Variants in PTPRS observed in about 807,000 individuals in gnomAD.
PTPRS encodes receptor-type tyrosine-protein phosphatase S.
In PTPRS, 63 loss-of-function variants were observed where a neutral mutation model predicts 215.3. That is an observed-to-expected ratio of 0.29 (90% CI 0.24 to 0.36). PTPRS has a LOEUF of 0.36. Among genes scored for constraint, PTPRS ranks in the 10% least tolerant of loss-of-function variants. PTPRS has a pLI of 1.00. For synonymous variants in PTPRS, 1,404 were observed against 1,191.4 expected (o/e 1.18, Z -3.68); for missense variants, 2,258 against 2,825.8 (o/e 0.80, Z 4.56).
At chr19:5,332,838 C>A (rs1217071489) in intron 1 of PTPRS, among the ~76,000 whole-genome samples, 6 of 152,270 alleles carry the variant, frequency 3.9e-5, no homozygotes, top group Non-Finnish European at 7.3e-5. Flanking sequence ...TTTCAGAGAA[C>A]TCTGACCGCA....
Position 5,208,028 on chromosome 19 carries a change from A to G in PTPRS, c.5672T>C (p.Ile1891Thr), listed in dbSNP as rs1235729013. ...SAGVGRTGVF[I>T]TLSIVLERMR... ...CCGCTCCAGCACGATGCTAAGCGTG[A>G]TGAAGACGCCCGTCCTGCCCACGCC... The change falls in exon 37 of 38, where the codon ATC (isoleucine) becomes ACC (threonine). Residue 1891 changes from isoleucine (I) to threonine (T), a missense_variant. By Grantham distance (89) the Ile-to-Thr change is moderately conservative (BLOSUM62 -1). This residue lies in a region of PTPRS where 89 missense variants were observed against 104.0 expected (regional missense o/e 0.86). Transcript: ENST00000262963. 6.2e-7 allele frequency: 1 copy of G among 1,613,808 alleles called. No individual in the cohort carries two copies. The highest frequency in any genetic ancestry group is 1.7e-5 in the Admixed American group (1 of 60,028).
At position 5,245,954 on chromosome 19, in the gene PTPRS, G is replaced by A; in HGVS notation, c.810C>T (p.Gly270=). The A allele has an allele frequency of 1.2e-6, 2 of 1,611,294 alleles. No homozygotes were observed. The highest frequency in any genetic ancestry group is 1.7e-6 in the Non-Finnish European group (2 of 1,178,808). Residue 270 remains glycine, a synonymous_variant, in exon 10 of 38, where the codon GGC becomes GGT. Transcript: ENST00000262963. ...GNVNITCVAV[G]SPMPYVKWMQ... is the part of the protein sequence containing the mutation. ...TCCACTTCACGTATGGCATGGGCGA[G>A]CCCACGGCCACGCAGGTGATGTTCA...
Position 5,244,791 on chromosome 19 carries a change from TC to T in PTPRS, c.989-310del, listed in dbSNP as rs2044325390. 6.6e-6 allele frequency among the ~76,000 whole-genome samples: 1 copy of T among 151,522 alleles called. No individual in the cohort carries two copies. The highest frequency in any genetic ancestry group is 6.6e-5 in the Admixed American group (1 of 15,246). On this transcript the variant is annotated intron_variant, in intron 10 of 37. Coordinates refer to ENST00000262963, the MANE Select transcript of PTPRS (RefSeq NM_002850.4). This position sits in a 1 kb window ranked among gnomAD's most constrained non-coding sequence, Gnocchi z 7.2. ...TTCACACAATTCTCCTGCCTCAGCC[TC>T]CCGAGTAGCTGGGACGACAGGCGCC...
intron 1 of PTPRS, among the ~76,000 whole-genome samples, chr19:5,309,264 G>A (rs1210151027): frequency 6.6e-6 from 1 of 152,164 alleles, no homozygotes; most frequent in African/African-American, 2.4e-5. Flanking sequence ...ACCTCTCTGG[G>A]CTTCAGCCCC....
At chr19:5,297,791 C>CTTTTTT (rs373472522) in intron 1 of PTPRS, among the ~76,000 whole-genome samples, 27 of 131,362 alleles carry the variant, frequency 2.1e-4, no homozygotes, top group Admixed American at 4.1e-4. Flanking sequence ...CTTTTCTTTT[C>CTTTTTT]TTTTTTTTTT....
intron 2 of PTPRS, among the ~76,000 whole-genome samples, chr19:5,284,496 T>C (rs1466043661): frequency 6.6e-6 from 1 of 152,086 alleles, no homozygotes; most frequent in Non-Finnish European, 1.5e-5. Flanking sequence ...CAGCCCATCT[T>C]TCTTTTTTTT....
At chr19:5,282,797 C>CAAA (rs553419452) in intron 2 of PTPRS, among the ~76,000 whole-genome samples, 21 of 114,142 alleles carry the variant, frequency 1.8e-4, no homozygotes, top group South Asian at 2.8e-4. Context: ...GACTTCATCT[C>CAAA]AAAAAAAAAA....
chr19:5,333,206 C>T (rs2147292387), intron 1 of PTPRS, among the ~76,000 whole-genome samples: 1 of 151,016 alleles, frequency 6.6e-6, no homozygotes, highest in African/African-American at 2.4e-5. Context: ...TGTGGTGGCT[C>T]ACACCTGGAA....
intron 4 of PTPRS, among the ~76,000 whole-genome samples, chr19:5,265,619 G>A (rs974656182): frequency 6.6e-6 from 1 of 151,996 alleles, no homozygotes; most frequent in Non-Finnish European, 1.5e-5. Flanking sequence ...TGGGATTGCA[G>A]GCATGAGCCA....
At chr19:5,291,198 G>T (rs1352158773) in intron 1 of PTPRS, among the ~76,000 whole-genome samples, 1 of 152,180 alleles carries the variant, frequency 6.6e-6, no homozygotes, top group African/African-American at 2.4e-5. Context: ...GGGGCAGACA[G>T]GGAACCAGGC....
chr19:5,227,139 T>C lies in PTPRS; in HGVS notation c.2377-1295A>G, dbSNP rs562782642. On this transcript the variant is annotated intron_variant, in intron 16 of 37. Coordinates refer to ENST00000262963, the MANE Select transcript of PTPRS (RefSeq NM_002850.4). ...ATAGCTCACTGCAGCCTTGACCTCC[T>C]GAGCTCAAGTGATCCTCCCGCCTTA... Among the ~76,000 whole-genome samples the C allele has an allele frequency of 5.3e-5, 8 of 151,886 alleles. 1 individual carries two copies. In the South Asian group the frequency reaches 1.7e-3, roughly 32 times the overall value.
chr19:5,326,362 T>G (rs2050166486), intron 1 of PTPRS, among the ~76,000 whole-genome samples: 1 of 152,246 alleles, frequency 6.6e-6, no homozygotes, highest in Admixed American at 6.5e-5. Flanking sequence ...GCTTTCAGCC[T>G]GGAACAGACA....
chr19:5,275,057 A>T (rs968448485), intron 2 of PTPRS, among the ~76,000 whole-genome samples: 8 of 134,246 alleles, frequency 6.0e-5, no homozygotes, highest in African/African-American at 8.7e-5. Context: ...TGCCATCCTG[A>T]TCGTCATTTT....
At chr19:5,207,871 G>A in intron 37 of PTPRS, 51 bp downstream of exon 37, 3 of 1,598,398 alleles carry the variant, frequency 1.9e-6, no homozygotes, top group East Asian at 2.2e-5. Context: ...GGAGCTTAGG[G>A]GCAGTCGGGG....
At chr19:5,228,245 T>C (rs1295722554) in intron 16 of PTPRS, among the ~76,000 whole-genome samples, 1 of 145,672 alleles carries the variant, frequency 6.9e-6, no homozygotes, top group Non-Finnish European at 1.5e-5. Context: ...CTCGGGAGGC[T>C]GAGACAGGAG....
chr19:5,229,304 G>T lies in PTPRS; in HGVS notation c.2376+12C>A. 1 of 1,379,596 alleles carries T rather than the reference G, an allele frequency of 7.2e-7. No homozygotes were observed. The highest frequency in any genetic ancestry group is 9.4e-7 in the Non-Finnish European group (1 of 1,061,906). 85.5% of individuals were successfully genotyped at this position (1,379,596 alleles called of 1,614,324 possible). A position where few individuals can be genotyped will look rare whatever the true frequency, so the allele number is the denominator to read the frequency against. On this transcript the variant is annotated intron_variant, in intron 16 of 37. Coordinates refer to ENST00000262963, the MANE Select transcript of PTPRS (RefSeq NM_002850.4). Reference sequence around the variant, plus strand: ...GCACAGCAGTAGGTGGGTGGCCAGGGGCGCTACTTACATATTCGGCCGTGT... The same window carrying T: ...GCACAGCAGTAGGTGGGTGGCCAGGTGCGCTACTTACATATTCGGCCGTGT...
At position 5,223,134 on chromosome 19, in the gene PTPRS, G is replaced by A. The variant is rs368483020; in HGVS notation, c.2658C>T (p.Ser886=). ...TPLATLEFPP[S]EDRYTASGVH... is the part of the protein sequence containing the mutation. ...CGCCTGATGCCGTGTAGCGGTCCTC[G>A]GAGGGCGGGAACTCCAGGGTGGCCA... The change falls in exon 18 of 38, where the codon TCC becomes TCT. Residue 886 remains serine, a synonymous_variant. Transcript: ENST00000262963. 2.3e-4 allele frequency: 359 copies of A among 1,570,208 alleles called. No homozygotes were observed. Among genetic ancestry groups the A allele is most frequent in the Non-Finnish European group, 2.9e-4 (336 of 1,158,060 alleles).
rs751492887 is a variant in PTPRS at position 5,210,699 on chromosome 19, T to C, written c.5341A>G (p.Lys1781Glu). ...CTCACCCGGCCCATCTCCCGCAGCT[T>C]GGTCAGCATCACCACGATCGTCGAA... ...NNSTIVVMLTKLREMGREKCH... is the reference protein window; with the variant it reads ...NNSTIVVMLTELREMGREKCH... The change falls in exon 34 of 38, where the codon AAG becomes GAG. Residue 1781 changes from lysine (K) to glutamate (E), a missense_variant. This residue lies in a region of PTPRS where 927 missense variants were observed against 1,125.9 expected (regional missense o/e 0.82). Transcript: ENST00000262963. This position sits in a 1 kb window ranked among gnomAD's most constrained non-coding sequence, Gnocchi z 4.5. The C allele has an allele frequency of 1.2e-6, 2 of 1,614,192 alleles. No homozygotes were observed. The highest frequency in any genetic ancestry group is 1.1e-5 in the South Asian group (1 of 91,090).
At chr19:5,229,423 T>A in intron 15 of PTPRS, 68 bp downstream of exon 15, 1 of 1,358,458 alleles carries the variant, frequency 7.4e-7, no homozygotes, top group Non-Finnish European at 9.5e-7. Context: ...GAAGCAGAGG[T>A]GGGGGGAGCG....
Sources: allele counts gnomAD v4.1 joint callset (sites outside exome capture counted in the v4.1 genomes callset), GRCh38; gene constraint gnomAD v4.1.1; regional missense constraint gnomAD v4.1.1; non-coding constraint Gnocchi (gnomAD v3.1); transcripts MANE v1.5; gene names NCBI Gene and HGNC (gene_info 2026-07-23, HGNC 2026-07-21).